The following NRXN3 variants were observed in gnomAD, a reference collection of about 807,000 sequenced individuals.
NRXN3 encodes neurexin III.
In NRXN3, 32 loss-of-function variants were observed where a neutral mutation model predicts 137.6. The ratio of observed to expected loss-of-function variants is 0.23; its 90% confidence interval spans 0.18 to 0.31. The LOEUF (loss-of-function observed/expected upper bound fraction) is 0.31. NRXN3 is among the 10% of genes least tolerant of loss of function. The pLI is 1.00. For synonymous variants in NRXN3, 798 were observed against 784.5 expected, an observed-to-expected ratio of 1.02 and a Z score of -0.29; for missense variants, 1,574 against 2,062.5, an observed-to-expected ratio of 0.76 and a Z score of 4.59.
At chr14:78,536,860 G>T (rs570358716) in intron 4 of NRXN3, among the ~76,000 whole-genome samples, 1 of 149,596 alleles carries the variant, frequency 6.7e-6, no homozygotes, top group African/African-American at 2.5e-5. Flanking sequence ...TGCAGTGTTT[G>T]GTTTTCTGTC....
chr14:78,787,987 C>T (rs1018963162), intron 8 of NRXN3, among the ~76,000 whole-genome samples: 1 of 152,052 alleles, frequency 6.6e-6, no homozygotes, highest in Non-Finnish European at 1.5e-5. Flanking sequence ...TGTAATTAAC[C>T]CTTTACAATT....
chr14:79,079,064 G>T (rs2046449594), intron 15 of NRXN3, among the ~76,000 whole-genome samples: 1 of 152,108 alleles, frequency 6.6e-6, no homozygotes, highest in South Asian at 2.1e-4. Context: ...CAGCTCCTCA[G>T]GAGGCAACTC....
At chr14:78,365,581 G>C (rs183364509) in intron 4 of NRXN3, among the ~76,000 whole-genome samples, 1 of 152,138 alleles carries the variant, frequency 6.6e-6, no homozygotes, top group Non-Finnish European at 1.5e-5. Context: ...AGGGAAAGCT[G>C]GGACATGTTG....
chr14:79,562,639 C>T (rs1486004202), intron 16 of NRXN3, among the ~76,000 whole-genome samples: 1 of 152,128 alleles, frequency 6.6e-6, no homozygotes, highest in African/African-American at 2.4e-5. Context: ...TTTGAAGTCC[C>T]ACTGATTTCC....
intron 6 of NRXN3, among the ~76,000 whole-genome samples, chr14:78,689,678 T>C (rs2098153315): frequency 6.6e-6 from 1 of 152,124 alleles, no homozygotes; most frequent in Non-Finnish European, 1.5e-5. Context: ...CAGGGTAAAA[T>C]GGTGACTCAA....
intron 15 of NRXN3, among the ~76,000 whole-genome samples, chr14:79,321,279 G>A (rs557066925): frequency 6.6e-6 from 1 of 152,134 alleles, no homozygotes; most frequent in South Asian, 2.1e-4. Flanking sequence ...TCAGTCAAAA[G>A]GTAAAATCAG....
intron 11 of NRXN3, among the ~76,000 whole-genome samples, chr14:78,965,243 A>G (rs2099415204): frequency 6.6e-6 from 1 of 152,190 alleles, no homozygotes; most frequent in Admixed American, 6.5e-5. Flanking sequence ...TAAATCAGCC[A>G]CAAGAGCATC....
chr14:78,525,520 C>T (rs1419951019), intron 4 of NRXN3, among the ~76,000 whole-genome samples: 1 of 152,046 alleles, frequency 6.6e-6, no homozygotes, highest in Non-Finnish European at 1.5e-5. Context: ...TACTGTAGAC[C>T]CAGCCCTATC....
At chr14:78,577,528 C>G (rs34792447) in intron 4 of NRXN3, among the ~76,000 whole-genome samples, 1 of 151,958 alleles carries the variant, frequency 6.6e-6, no homozygotes, top group African/African-American at 2.4e-5. Context: ...TGCAATGGCA[C>G]GATCCCTGCT....
chr14:78,778,758 CTCTTTCTTTCTTTCTTTCTTTCTT>C (rs10701078), intron 8 of NRXN3, among the ~76,000 whole-genome samples: 1,795 of 96,984 alleles, frequency 0.019, 48 homozygotes, highest in African/African-American at 0.036. Context: ...TTCCTTCTTT[CTCTTTCTTTCTTTCTTTCTTTCTT>C]TCTTTCTTTC....
intron 4 of NRXN3, among the ~76,000 whole-genome samples, chr14:78,337,677 A>C (rs911546740): frequency 6.6e-6 from 1 of 152,142 alleles, no homozygotes; most frequent in Non-Finnish European, 1.5e-5. Flanking sequence ...TTCTCTAAGC[A>C]CTGAAGGTCT....
chr14:79,794,965 A>C (rs2099156748), intron 19 of NRXN3, among the ~76,000 whole-genome samples: 1 of 152,162 alleles, frequency 6.6e-6, no homozygotes, highest in Non-Finnish European at 1.5e-5. Flanking sequence ...GCAAAGATAA[A>C]TGATTAGGAA....
At chr14:79,671,612 GGAGTGACA>G (rs1171502148) in intron 17 of NRXN3, among the ~76,000 whole-genome samples, 2 of 151,840 alleles carry the variant, frequency 1.3e-5, no homozygotes, top group South Asian at 2.1e-4. Context: ...TCTTGCTTGG[GGAGTGACA>G]GAGTGGCAAG....
intron 16 of NRXN3, among the ~76,000 whole-genome samples, chr14:79,608,142 C>A (rs2098047435): frequency 6.6e-6 from 1 of 152,108 alleles, no homozygotes; most frequent in Non-Finnish European, 1.5e-5. Flanking sequence ...TGTGTTTTAT[C>A]TTGACCTTTG....
At chr14:79,067,554 T>C (rs1018187020) in intron 15 of NRXN3, among the ~76,000 whole-genome samples, 4 of 152,166 alleles carry the variant, frequency 2.6e-5, no homozygotes, top group African/African-American at 9.7e-5. Context: ...TAGCTCTTCT[T>C]TCTACCTCTG....
In NRXN3 at chr14:79,816,481, T is replaced by C. The variant is rs188714063; in HGVS notation, c.4093+11291T>C. On this transcript the variant is annotated intron_variant, in intron 20 of 20. Transcript: ENST00000335750. The stretch of plus-strand genomic sequence containing the variant: ...AACTCCTGATTACTCTGTTTGTAAA[T>C]GCCACCAAAGTTATGACCATGTCTT... Among the ~76,000 whole-genome samples the C allele has an allele frequency of 2.0e-5, 3 of 152,324 alleles. No individual in the cohort carries two copies. In the East Asian group the frequency reaches 5.8e-4, roughly 29 times the overall value.
At chr14:78,335,067 C>T (rs1457309516) in intron 4 of NRXN3, among the ~76,000 whole-genome samples, 1 of 152,096 alleles carries the variant, frequency 6.6e-6, no homozygotes. Context: ...ACCCCAAGGC[C>T]ACTCTTCTCT....
chr14:78,538,383 T>C (rs1223912102), intron 4 of NRXN3, among the ~76,000 whole-genome samples: 2 of 152,234 alleles, frequency 1.3e-5, no homozygotes, highest in Non-Finnish European at 2.9e-5. Flanking sequence ...CAATTGTGAA[T>C]GGGAGTTCAC....
At chr14:79,251,571 G>T (rs1043001919) in intron 15 of NRXN3, among the ~76,000 whole-genome samples, 7 of 152,134 alleles carry the variant, frequency 4.6e-5, no homozygotes, top group African/African-American at 1.7e-4. Flanking sequence ...TTATGGTTCG[G>T]ATTATTGGAT....
Sources: allele counts gnomAD v4.1 joint callset (sites outside exome capture counted in the v4.1 genomes callset), GRCh38; gene constraint gnomAD v4.1.1; transcripts MANE v1.5; gene names NCBI Gene and HGNC (gene_info 2026-07-23, HGNC 2026-07-21).